Variants in CLVS1 observed in about 807,000 individuals in gnomAD.
CLVS1 encodes clavesin 1.
In CLVS1, 10 loss-of-function variants were observed where a neutral mutation model predicts 33.1. The observed-to-expected ratio is 0.30, with a 90% confidence interval of 0.19 to 0.51. CLVS1 has a LOEUF of 0.51. Among genes scored for constraint, CLVS1 ranks in the 20% least tolerant of loss-of-function variants. The pLI, the probability that CLVS1 is intolerant of heterozygous loss-of-function variation, is 0.97. For synonymous variants in CLVS1, 163 were observed against 166.1 expected (o/e 0.98, Z 0.14); for missense variants, 343 against 433.4 (o/e 0.79, Z 1.85).
intron 4 of CLVS1, among the ~76,000 whole-genome samples, chr8:61,455,726 T>C (rs979576867): frequency 1.2e-4 from 18 of 152,162 alleles, no homozygotes; most frequent in African/African-American, 4.1e-4. Context: ...GCTAGGGTAA[T>C]CCTACAACAC....
At chr8:61,356,687 T>C (rs1377510364) in intron 2 of CLVS1, among the ~76,000 whole-genome samples, 1 of 152,180 alleles carries the variant, frequency 6.6e-6, no homozygotes, top group African/African-American at 2.4e-5. Flanking sequence ...TTCCCCATTG[T>C]TTGTTTTTCT....
chr8:61,448,729 A>G (rs1334244105), intron 3 of CLVS1, among the ~76,000 whole-genome samples: 1 of 151,534 alleles, frequency 6.6e-6, no homozygotes, highest in Non-Finnish European at 1.5e-5. Flanking sequence ...AAAAAAATCC[A>G]TATGGTTCTT....
chr8:61,204,255 A>T (rs1262927163), intron 2 of CLVS1, among the ~76,000 whole-genome samples: 1 of 152,214 alleles, frequency 6.6e-6, no homozygotes, highest in Non-Finnish European at 1.5e-5. Context: ...GAGTATCATA[A>T]TTATTTTGTT....
chr8:61,189,573 C>T (rs1226840932), intron 2 of CLVS1, among the ~76,000 whole-genome samples: 1 of 152,150 alleles, frequency 6.6e-6, no homozygotes, highest in Non-Finnish European at 1.5e-5. Context: ...AAGACACAGC[C>T]TAGCAAATTG....
At chr8:61,083,124 A>G (rs1001939400) in intron 1 of CLVS1, among the ~76,000 whole-genome samples, 1 of 152,214 alleles carries the variant, frequency 6.6e-6, no homozygotes, top group East Asian at 1.9e-4. Context: ...AAGTAGGAAA[A>G]CAGAATCTAT....
intron 2 of CLVS1, among the ~76,000 whole-genome samples, chr8:61,368,083 T>A (rs1286478478): frequency 6.6e-6 from 1 of 152,244 alleles, no homozygotes; most frequent in Non-Finnish European, 1.5e-5. Context: ...CTGGACCAAA[T>A]GTGATAAAAT....
the CLVS1 span, among the ~76,000 whole-genome samples, chr8:60,976,211 A>G: frequency 6.6e-6 from 1 of 152,208 alleles, no homozygotes; most frequent in Non-Finnish European, 1.5e-5. Flanking sequence ...AAGATGGCAG[A>G]CAAAAGTCAC....
At chr8:61,388,682 T>C (rs1254491249) in intron 3 of CLVS1, among the ~76,000 whole-genome samples, 1 of 152,120 alleles carries the variant, frequency 6.6e-6, no homozygotes, top group Non-Finnish European at 1.5e-5. Context: ...ATGGGGTACA[T>C]AGTGATGTCT....
At chr8:61,236,375 G>T (rs377683403) in intron 2 of CLVS1, among the ~76,000 whole-genome samples, 1 of 152,136 alleles carries the variant, frequency 6.6e-6, no homozygotes, top group Non-Finnish European at 1.5e-5. Context: ...CATGGGGTCC[G>T]GAGTGAAACC....
At chr8:61,042,823 CA>C in the CLVS1 span, among the ~76,000 whole-genome samples, 1 of 152,180 alleles carries the variant, frequency 6.6e-6, no homozygotes, top group Non-Finnish European at 1.5e-5. Flanking sequence ...GCCTAAATTC[CA>C]AACATGAACC....
intron 1 of CLVS1, among the ~76,000 whole-genome samples, chr8:61,124,986 G>C (rs900737728): frequency 6.6e-6 from 1 of 152,162 alleles, no homozygotes; most frequent in African/African-American, 2.4e-5. Flanking sequence ...CATAATGGTA[G>C]CCAACAATCA....
At chr8:61,359,440 C>T (rs897992830) in intron 2 of CLVS1, among the ~76,000 whole-genome samples, 12 of 152,200 alleles carry the variant, frequency 7.9e-5, no homozygotes, top group Non-Finnish European at 1.2e-4. Context: ...ACTGAAACCT[C>T]TGCTTCACAG....
At position 61,233,820 on chromosome 8, in the gene CLVS1, C is replaced by T. The variant is rs533592763; in HGVS notation, c.-151-65857C>T. ...GGGTTGCCACACACTCCATTCTCTG[C>T]CTGGTGGGTGAATCAGCACGTGGGC... On this transcript the variant is annotated intron_variant, in intron 2 of 2. Transcript: ENST00000522621. 2.6e-5 allele frequency among the ~76,000 whole-genome samples: 4 copies of T among 152,374 alleles called. No homozygotes were observed. In the East Asian group the frequency reaches 5.8e-4, roughly 22 times the overall value.
At position 61,226,350 on chromosome 8, in the gene CLVS1, C is replaced by T. The variant is rs1420759805; in HGVS notation, c.-151-73327C>T. Among the ~76,000 whole-genome samples, 2 of 152,162 alleles carry T rather than the reference C, an allele frequency of 1.3e-5. 1 individual carries two copies. On this transcript the variant is annotated intron_variant, in intron 2 of 2. Transcript: ENST00000522621. Reference sequence around the variant, plus strand: ...GAAAGTCAGCCCACAATTTATTGTTCAAAGGTATTATTAAAAATTGTTTCA... The same window carrying T: ...GAAAGTCAGCCCACAATTTATTGTTTAAAGGTATTATTAAAAATTGTTTCA...
chr8:61,431,983 T>C (rs1034525847), intron 3 of CLVS1, among the ~76,000 whole-genome samples: 1 of 152,250 alleles, frequency 6.6e-6, no homozygotes, highest in African/African-American at 2.4e-5. Context: ...TGTCACATGC[T>C]GTCTATCTTC....
chr8:61,118,600 T>G (rs1417516009), intron 1 of CLVS1, among the ~76,000 whole-genome samples: 2 of 151,602 alleles, frequency 1.3e-5, no homozygotes, highest in Non-Finnish European at 2.9e-5. Flanking sequence ...TCAAAGAACA[T>G]CTTTATTTCT....
rs75109460 is a variant in CLVS1 at position 61,245,998 on chromosome 8, C to A, written c.-151-53679C>A. ...TGTTGCCCAGACTGGTCTCGAACTC[C>A]TGACGTCATATGATCCTCCTGTCTT... On this transcript the variant is annotated intron_variant, in intron 2 of 2. Transcript: ENST00000522621. Among the ~76,000 whole-genome samples, 569 of 151,916 alleles carry A rather than the reference C, an allele frequency of 3.7e-3. 1 individual carries two copies. The highest frequency in any genetic ancestry group is 0.011 in the African/African-American group (465 of 41,450).
chr8:61,448,481 A>G (rs988741813), intron 3 of CLVS1, among the ~76,000 whole-genome samples: 11 of 151,662 alleles, frequency 7.3e-5, no homozygotes, highest in South Asian at 4.2e-4. Flanking sequence ...ATTTTTTTCT[A>G]TCTTTCAGTT....
chr8:61,400,374 A>G (rs1814701989), intron 3 of CLVS1, among the ~76,000 whole-genome samples: 1 of 152,190 alleles, frequency 6.6e-6, no homozygotes, highest in Non-Finnish European at 1.5e-5. Context: ...ATTTCTGCAC[A>G]CTGATTTTGT....
Sources: gnomAD v4.1 joint callset for allele counts (sites outside exome capture counted in the v4.1 genomes callset) on GRCh38, gnomAD v4.1.1 for gene constraint, MANE v1.5 for transcripts, NCBI Gene and HGNC (gene_info 2026-07-23, HGNC 2026-07-21) for gene names.